C8orf34: variants seen among roughly 807,000 people sequenced by gnomAD.
C8orf34 encodes the protein chromosome 8 open reading frame 34.
A neutral mutation model predicts 68.3 loss-of-function variants in C8orf34; 65 were observed. The ratio of observed to expected loss-of-function variants is 0.95; its 90% CI spans 0.78 to 1.17. C8orf34 has a LOEUF of 1.17. Ranked by LOEUF, C8orf34 falls within the 50% of genes most tolerant of loss-of-function variation. C8orf34 has a pLI of 0.00. For missense variants in C8orf34, 664 were observed against 655.4 expected, an observed-to-expected ratio of 1.01 and a Z score of -0.14; for synonymous variants, 244 against 241.2, an observed-to-expected ratio of 1.01 and a Z score of -0.11.
At position 68,777,487 on chromosome 8, in the gene C8orf34, G is replaced by C. The variant is rs527401905; in HGVS notation, c.1455+1038G>C. Among the ~76,000 whole-genome samples, 56 of 152,344 alleles carry C rather than the reference G, an allele frequency of 3.7e-4. 1 individual carries two copies. Among genetic ancestry groups the C allele is most frequent in the African/African-American group, 1.3e-3 (55 of 41,586 alleles). On this transcript the variant is annotated intron_variant, in intron 11 of 13. Coordinates refer to ENST00000518698, the MANE Select transcript of C8orf34 (RefSeq NM_052958.4). ...ATGCTCAATGTGGCAAGAAGGTGGA[G>C]AATTTATGCCTTTTCACTTAAAGTA... is the stretch of plus-strand genomic sequence containing the variant.
intron 7 of C8orf34, among the ~76,000 whole-genome samples, chr8:68,635,656 A>G (rs1445077745): frequency 1.3e-5 from 2 of 152,188 alleles, no homozygotes. Context: ...CAAAACTCTA[A>G]TTTGCCCACT....
At chr8:68,776,588 T>A (rs961751111) in intron 11 of C8orf34, 139 bp downstream of exon 11, 1 of 606,572 alleles carries the variant, frequency 1.6e-6, no homozygotes, top group Non-Finnish European at 2.8e-6. Context: ...AAAAACAGGA[T>A]AATAAATAAT....
intron 8 of C8orf34, among the ~76,000 whole-genome samples, chr8:68,701,402 T>C (rs1423273020): frequency 6.6e-6 from 1 of 152,146 alleles, no homozygotes; most frequent in Non-Finnish European, 1.5e-5. Context: ...CATTTTAAAC[T>C]TACCATATCC....
chr8:68,664,019 G>A (rs1819764366), intron 8 of C8orf34, among the ~76,000 whole-genome samples: 1 of 152,172 alleles, frequency 6.6e-6, no homozygotes, highest in Non-Finnish European at 1.5e-5. Context: ...AAAAAGGAGT[G>A]GGGTTGAATT....
At chr8:68,633,834 T>C (rs989501626) in intron 7 of C8orf34, among the ~76,000 whole-genome samples, 6 of 149,720 alleles carry the variant, frequency 4.0e-5, no homozygotes, top group Non-Finnish European at 4.4e-5. Context: ...GTTCTGATAC[T>C]ATAGGAGAGG....
intron 7 of C8orf34, among the ~76,000 whole-genome samples, chr8:68,536,358 C>CAAAAAAAAAA (rs10696903): frequency 8.1e-4 from 40 of 49,092 alleles, no homozygotes; most frequent in South Asian, 2.6e-3. Context: ...GACCCTATCT[C>CAAAAAAAAAA]AAAAAAAAAA....
chr8:68,432,880 G>A (rs1810506475), intron 1 of C8orf34, among the ~76,000 whole-genome samples: 1 of 152,064 alleles, frequency 6.6e-6, no homozygotes, highest in Admixed American at 6.6e-5. Flanking sequence ...AATGAGGCAG[G>A]AAAAACATGC....
At chr8:68,488,397 A>AT (rs59144133) in intron 5 of C8orf34, among the ~76,000 whole-genome samples, 2 of 152,094 alleles carry the variant, frequency 1.3e-5, no homozygotes, top group African/African-American at 4.8e-5. Flanking sequence ...AAAACATTGT[A>AT]TTTTTTGATA....
At chr8:68,594,709 A>G (rs533447316) in intron 7 of C8orf34, among the ~76,000 whole-genome samples, 3 of 152,248 alleles carry the variant, frequency 2.0e-5, no homozygotes, top group African/African-American at 2.4e-5. Context: ...GCTTTTAGAC[A>G]TTATAATTCT....
At chr8:68,686,461 C>A (rs1820521984) in intron 8 of C8orf34, among the ~76,000 whole-genome samples, 1 of 151,988 alleles carries the variant, frequency 6.6e-6, no homozygotes, top group Admixed American at 6.6e-5. Flanking sequence ...TGCAGACATT[C>A]AGGAATGGCT....
intron 7 of C8orf34, among the ~76,000 whole-genome samples, chr8:68,566,986 G>A (rs1051762976): frequency 6.6e-6 from 1 of 152,144 alleles, no homozygotes; most frequent in Non-Finnish European, 1.5e-5. Flanking sequence ...AAACTCACTT[G>A]ATCATGGTGA....
intron 8 of C8orf34, among the ~76,000 whole-genome samples, chr8:68,662,349 A>G (rs1819705358): frequency 6.6e-6 from 1 of 152,184 alleles, no homozygotes; most frequent in Non-Finnish European, 1.5e-5. Flanking sequence ...GAAAGGGGGT[A>G]CAAGACATTG....
At chr8:68,376,364 G>C (rs771531101) in intron 1 of C8orf34, among the ~76,000 whole-genome samples, 2 of 152,136 alleles carry the variant, frequency 1.3e-5, no homozygotes, top group African/African-American at 4.8e-5. Context: ...AATGATGGAA[G>C]CTGAGCACAG....
chr8:68,427,766 A>G (rs978010314), intron 1 of C8orf34, among the ~76,000 whole-genome samples: 2 of 151,950 alleles, frequency 1.3e-5, no homozygotes, highest in Non-Finnish European at 2.9e-5. Context: ...TCATATTATA[A>G]TTTTTCAAGA....
chr8:68,544,330 A>G (rs372759443), intron 7 of C8orf34, among the ~76,000 whole-genome samples: 6 of 152,294 alleles, frequency 3.9e-5, no homozygotes, highest in Admixed American at 3.3e-4. Flanking sequence ...TTTCTTGGTC[A>G]CTCAAAGGAA....
intron 1 of C8orf34, among the ~76,000 whole-genome samples, chr8:68,403,784 T>A (rs1312108933): frequency 6.6e-6 from 1 of 152,210 alleles, no homozygotes; most frequent in African/African-American, 2.4e-5. Context: ...CATCTATCAT[T>A]AATGGGCATT....
At chr8:68,619,340 A>G (rs1007297124) in intron 7 of C8orf34, among the ~76,000 whole-genome samples, 1 of 152,256 alleles carries the variant, frequency 6.6e-6, no homozygotes, top group South Asian at 2.1e-4. Context: ...ATAAAAATAA[A>G]TACATAAATA....
At position 68,361,582 on chromosome 8, in the gene C8orf34, T is replaced by G. The variant is rs553161348; in HGVS notation, c.327+30243T>G. Among the ~76,000 whole-genome samples, 3 of 152,402 alleles carry G rather than the reference T, an allele frequency of 2.0e-5. No individual in the cohort carries two copies. In the East Asian group the frequency reaches 5.8e-4, roughly 29 times the overall value. The stretch of plus-strand genomic sequence containing the variant: ...CCTGTTGAATTAAATATGTTTTGAC[T>G]GCTCTAGCTTCCTTACATTTTCCAT... On this transcript the variant is annotated intron_variant, in intron 1 of 13. Transcript: ENST00000518698.
At chr8:68,421,003 G>C (rs549682661) in intron 1 of C8orf34, among the ~76,000 whole-genome samples, 1 of 152,172 alleles carries the variant, frequency 6.6e-6, no homozygotes, top group East Asian at 1.9e-4. Context: ...GATTTGAAGA[G>C]ATACTAGCTG....
Sources: gnomAD v4.1 joint callset for allele counts (sites outside exome capture counted in the v4.1 genomes callset) on GRCh38, gnomAD v4.1.1 for gene constraint, MANE v1.5 for transcripts, NCBI Gene and HGNC (gene_info 2026-07-23, HGNC 2026-07-21) for gene names.